PELP1: variants seen among roughly 807,000 people sequenced by gnomAD.
The protein encoded by PELP1 is proline, glutamate and leucine rich protein 1.
A neutral mutation model predicts 95.5 loss-of-function variants in PELP1; 32 were observed. The ratio of observed to expected loss-of-function variants is 0.34; its 90% CI spans 0.25 to 0.45. The LOEUF (loss-of-function observed/expected upper bound fraction) is 0.45, where lower values mean the gene tolerates loss of function less well. Ranked by LOEUF, PELP1 falls within the 20% of genes least tolerant of loss-of-function variation. PELP1 has a pLI of 1.00. For missense variants in PELP1, 1,358 were observed against 1,444.8 expected, an observed-to-expected ratio of 0.94 and a Z score of 0.97; for synonymous variants, 668 against 600.1, an observed-to-expected ratio of 1.11 and a Z score of -1.65.
intron 1 of PELP1, among the ~76,000 whole-genome samples, chr17:4,699,667 A>G (rs1027853063): frequency 6.6e-6 from 1 of 152,140 alleles, no homozygotes; most frequent in Non-Finnish European, 1.5e-5. Flanking sequence ...GCTCACTGCA[A>G]TGTCTGCCTC....
At chr17:4,698,008 G>GCT (rs1223259169) in intron 1 of PELP1, among the ~76,000 whole-genome samples, 2,860 of 133,578 alleles carry the variant, frequency 0.021, 122 homozygotes, top group African/African-American at 0.075. Context: ...TTTCTGCAAG[G>GCT]TTTTTTTTTT....
rs192494485 is a variant in PELP1 at position 4,688,392 on chromosome 17, G to C, written c.420+2496C>G. 8.6e-5 allele frequency among the ~76,000 whole-genome samples: 13 copies of C among 151,970 alleles called. No homozygotes were observed. In the East Asian group the frequency reaches 2.3e-3, roughly 27 times the overall value. ...TAAAGGACATCTAAATCGGTAAAGGGGAAGTCAAACTGTCGTTATTCACCA... is the reference window on the plus strand; with the variant it reads ...TAAAGGACATCTAAATCGGTAAAGGCGAAGTCAAACTGTCGTTATTCACCA... On this transcript the variant is annotated intron_variant, in intron 3 of 16. Coordinates refer to ENST00000572293, the MANE Select transcript of PELP1 (RefSeq NM_014389.3).
At chr17:4,684,731 G>A (rs567027451) in intron 3 of PELP1, among the ~76,000 whole-genome samples, 58 of 152,136 alleles carry the variant, frequency 3.8e-4, no homozygotes, top group African/African-American at 1.3e-3. Context: ...GTTTCCTTCT[G>A]TAGCCCAGGC....
At chr17:4,678,328 G>A (rs1275794529) in intron 5 of PELP1, among the ~76,000 whole-genome samples, 2 of 151,896 alleles carry the variant, frequency 1.3e-5, no homozygotes, top group East Asian at 1.9e-4. Context: ...CGCTTTCCCC[G>A]AGACATCCTA....
rs186515350 is a variant in PELP1 at position 4,682,521 on chromosome 17, C to T, written c.623G>A (p.Arg208Gln). 19 of 1,611,936 alleles carry T rather than the reference C, an allele frequency of 1.2e-5. No homozygotes were observed. Among genetic ancestry groups the T allele is most frequent in the African/African-American group, 6.7e-5 (5 of 74,978 alleles). Residue 208 changes from arginine (R) to glutamine (Q), a missense_variant, in exon 5 of 17, where the codon CGG (arginine) becomes CAG (glutamine). Physicochemically the swap from Arg to Gln is conservative, Grantham distance 43. Around this residue, in one of 7 missense-constraint regions of PELP1, gnomAD observed 538 missense variants for 628.1 expected, o/e 0.86. Transcript: ENST00000572293. ...ACTTACTTTGAGAGAACCACAAGCC[C>T]GAGGGAAATAGGTCATACAAGCCTT... ...GMKACMTYFPRACGSLKGKLA... is the reference protein window; with the variant it reads ...GMKACMTYFPQACGSLKGKLA...
chr17:4,699,932 T>A (rs1375867112), intron 1 of PELP1, among the ~76,000 whole-genome samples: 1 of 120,898 alleles, frequency 8.3e-6, no homozygotes, highest in Non-Finnish European at 1.7e-5. Context: ...AGACAGAGTT[T>A]CACTCTATCA....
In PELP1 at chr17:4,672,026, G is replaced by T. The variant is rs781512255; in HGVS notation, c.2965C>A (p.Pro989Thr). 6 of 1,575,308 alleles carry T rather than the reference G, an allele frequency of 3.8e-6. No homozygotes were observed. Among genetic ancestry groups the T allele is most frequent in the African/African-American group, 2.7e-5 (2 of 74,136 alleles). The stretch of plus-strand genomic sequence containing the variant: ...GGCTGCACCTTTGGGGGAGACTCAG[G>T]GGGAGGCAGAGCTGGAGGCAGGGTT... Reference protein sequence around the residue: ...PPTLPPALPPPESPPKVQPEP... With the variant: ...PPTLPPALPPTESPPKVQPEP... The change falls in exon 16 of 17, where the codon CCT becomes ACT. Residue 989 changes from proline (P) to threonine (T), a missense_variant. Physicochemically the swap from Pro to Thr is conservative, Grantham distance 38 (BLOSUM62 -1). Around this residue, in one of 7 missense-constraint regions of PELP1, gnomAD observed 283 missense variants for 284.1 expected, o/e 1.00. Transcript: ENST00000572293.
chr17:4,701,674 G>C (rs571927367), intron 1 of PELP1, among the ~76,000 whole-genome samples: 9 of 152,198 alleles, frequency 5.9e-5, no homozygotes, highest in African/African-American at 2.2e-4. Context: ...GCAAGCTCCA[G>C]GTCTATTGCT....
chr17:4,683,525 T>TCTTTG (rs1912791512), intron 3 of PELP1, among the ~76,000 whole-genome samples: 1 of 110,208 alleles, frequency 9.1e-6, no homozygotes. Context: ...AGCTGAGTTT[T>TCTTTG]CTTTTCTTTT....
At chr17:4,687,876 A>C (rs777975011) in intron 3 of PELP1, among the ~76,000 whole-genome samples, 69 of 152,226 alleles carry the variant, frequency 4.5e-4, no homozygotes, top group Non-Finnish European at 8.5e-4. Flanking sequence ...ACGTTAAAAG[A>C]GCAACAAAGT....
chr17:4,685,057 A>G (rs770184953), intron 3 of PELP1, among the ~76,000 whole-genome samples: 1 of 151,992 alleles, frequency 6.6e-6, no homozygotes, highest in African/African-American at 2.4e-5. Flanking sequence ...TCTCTCCCTC[A>G]TCGTTAGAGC....
rs569443070 is a variant in PELP1, at chr17:4,673,607, G to A, written c.1638+12C>T. The A allele has an allele frequency of 9.9e-6, 16 of 1,612,936 alleles. No homozygotes were observed. The East Asian group carries it at 3.3e-4, about 34-fold the overall frequency. ...CCTTCCCCTATCTCCACGGAGACGA[G>A]GCTCCACTAACCCTGTGAGTCTCCT... On this transcript the variant is annotated intron_variant, in intron 14 of 16. Transcript: ENST00000572293. This position sits in a 1 kb window ranked among gnomAD's most constrained non-coding sequence, Gnocchi z 5.7.
At chr17:4,679,015 G>A (rs1912601318) in intron 5 of PELP1, among the ~76,000 whole-genome samples, 1 of 151,410 alleles carries the variant, frequency 6.6e-6, no homozygotes, top group Non-Finnish European at 1.5e-5. Flanking sequence ...TCAACAGAGG[G>A]AAGTTCTCCA....
At chr17:4,682,095 G>GAATT (rs1912712275) in intron 5 of PELP1, among the ~76,000 whole-genome samples, 1 of 152,114 alleles carries the variant, frequency 6.6e-6, no homozygotes, top group Non-Finnish European at 1.5e-5. Context: ...AGGAGGTCAA[G>GAATT]GCTACAGTGA....
Position 4,675,620 on chromosome 17 carries a change from C to CT in PELP1, c.1068+176dup, listed in dbSNP as rs1178614099. 2.8e-6 allele frequency: 2 copies of CT among 717,232 alleles called. No homozygotes were observed. Among genetic ancestry groups the CT allele is most frequent in the Non-Finnish European group, 5.1e-6 (2 of 392,042 alleles). 44.4% of individuals were successfully genotyped at this position (717,232 alleles called of 1,614,324 possible). On this transcript the variant is annotated intron_variant, in intron 9 of 16. Transcript: ENST00000572293. The surrounding 1 kb of genome is among the most constrained non-coding windows in gnomAD (Gnocchi z 4.3). ...CCCCCAAGGAAGCATTTGCTACACT[C>CT]TGACACTGTGCTCCTGTGTCACGAC... is the stretch of plus-strand genomic sequence containing the variant.
intron 16 of PELP1, 60 bp downstream of exon 16, chr17:4,671,631 C>A: frequency 6.2e-7 from 1 of 1,600,762 alleles, no homozygotes; most frequent in Non-Finnish European, 8.5e-7. Context: ...GCAGCTGCCA[C>A]CCCTTCTCCC....
chr17:4,680,294 T>G (rs1247357385), intron 5 of PELP1, among the ~76,000 whole-genome samples: 3 of 152,188 alleles, frequency 2.0e-5, no homozygotes, highest in Non-Finnish European at 4.4e-5. Flanking sequence ...TTTCTTTTTT[T>G]GGAGACAGAG....
At chr17:4,677,279 T>C (rs905753189) in intron 5 of PELP1, among the ~76,000 whole-genome samples, 2 of 152,012 alleles carry the variant, frequency 1.3e-5, no homozygotes, top group African/African-American at 4.8e-5. Context: ...AGTCTCGGAG[T>C]AGCAATCTGT....
At chr17:4,689,282 CAA>C (rs1913011245) in intron 3 of PELP1, among the ~76,000 whole-genome samples, 1 of 152,066 alleles carries the variant, frequency 6.6e-6, no homozygotes. Context: ...TTGGCTTAGG[CAA>C]AGAGTTCATG....
Sources: gnomAD v4.1 joint callset for allele counts (sites outside exome capture counted in the v4.1 genomes callset) on GRCh38, gnomAD v4.1.1 for gene constraint, gnomAD v4.1.1 regional missense constraint, Gnocchi (gnomAD v3.1) non-coding constraint, MANE v1.5 for transcripts, NCBI Gene and HGNC (gene_info 2026-07-23, HGNC 2026-07-21) for gene names.